CPSF6: variants seen among roughly 807,000 people sequenced by gnomAD.
CPSF6 encodes the protein cleavage and polyadenylation specificity factor subunit 6.
In CPSF6, 10 loss-of-function variants were observed where a neutral mutation model predicts 56.7. The observed-to-expected ratio is 0.18, with a 90% confidence interval of 0.11 to 0.30. CPSF6 has a LOEUF of 0.30. Among genes scored for constraint, CPSF6 ranks in the 10% least tolerant of loss-of-function variants. CPSF6 has a pLI of 1.00. For missense variants in CPSF6, 419 were observed against 722.9 expected, an observed-to-expected ratio of 0.58 and a Z score of 4.82; for synonymous variants, 248 against 244.8, an observed-to-expected ratio of 1.01 and a Z score of -0.12.
intron 2 of CPSF6, among the ~76,000 whole-genome samples, chr12:69,252,485 A>G (rs1052154388): frequency 1.3e-5 from 2 of 152,154 alleles, no homozygotes; most frequent in African/African-American, 4.8e-5. Context: ...CTAAGTAAGT[A>G]TTTGGATCTT....
chr12:69,259,914 C>A, intron 7 of CPSF6, 130 bp from the exon 8 acceptor site: 1 of 885,290 alleles, frequency 1.1e-6, no homozygotes, highest in South Asian at 1.6e-5. Context: ...TGAAAGAAGA[C>A]ATTGTCTTGC....
intron 9 of CPSF6, among the ~76,000 whole-genome samples, chr12:69,264,850 T>C (rs1417945123): frequency 1.3e-5 from 2 of 152,160 alleles, no homozygotes; most frequent in African/African-American, 4.8e-5. Context: ...TCTGTTGACC[T>C]TTTTAGAAGT....
rs1410769786 is a variant in CPSF6, at chr12:69,271,121, GC to G, written c.*1615del. The G allele has an allele frequency of 2.0e-5, 3 of 152,062 alleles. No homozygotes were observed. The highest frequency in any genetic ancestry group is 4.4e-5 in the Non-Finnish European group (3 of 67,654). 9.4% of individuals were successfully genotyped at this position (152,062 alleles called of 1,614,324 possible). A position where few individuals can be genotyped will look rare whatever the true frequency, so the allele number is the denominator to read the frequency against. ...GCTGTTTTGAATTACCCATATCACT[GC>G]CAGTTTTATTTTAAAATATTTTGTG... On this transcript the variant is annotated 3_prime_UTR_variant, in exon 10 of 10. Transcript: ENST00000435070.
intron 1 of CPSF6, among the ~76,000 whole-genome samples, chr12:69,241,209 A>T (rs912853710): frequency 1.3e-5 from 2 of 152,244 alleles, no homozygotes; most frequent in African/African-American, 4.8e-5. Context: ...AATACATTGT[A>T]ATCAAAGGTT....
intron 9 of CPSF6, among the ~76,000 whole-genome samples, chr12:69,267,271 AAC>A (rs1315253145): frequency 1.3e-5 from 2 of 152,070 alleles, no homozygotes; most frequent in African/African-American, 2.4e-5. Flanking sequence ...TTCTAACAGA[AAC>A]AGTTATAATT....
intron 3 of CPSF6, among the ~76,000 whole-genome samples, chr12:69,256,440 A>G (rs975540985): frequency 6.6e-6 from 1 of 152,106 alleles, no homozygotes; most frequent in Non-Finnish European, 1.5e-5. Context: ...AAAATTATTT[A>G]TTTTTAGAGA....
Position 69,253,254 on chromosome 12 carries a change from A to C in CPSF6, c.374+100A>C, listed in dbSNP as rs1035823460. The C allele has an allele frequency of 2.0e-5, 12 of 593,766 alleles. No individual in the cohort carries two copies. In the Admixed American group the frequency reaches 2.4e-4, roughly 12 times the overall value. The allele number at this position is 593,766 out of a possible 1,614,324, so 36.8% of individuals were successfully genotyped here. A position where few individuals can be genotyped will look rare whatever the true frequency, so the allele number is the denominator to read the frequency against. ...TAATGTTAATTACACATGTATACAC[A>C]TGTATACAAACAACACATGATTGTT... On this transcript the variant is annotated intron_variant, in intron 3 of 9. Transcript: ENST00000435070.
intron 1 of CPSF6, among the ~76,000 whole-genome samples, chr12:69,250,575 G>A (rs1348154221): frequency 3.0e-5 from 4 of 132,824 alleles, no homozygotes; most frequent in Non-Finnish European, 4.7e-5. Flanking sequence ...GCAATGTAGC[G>A]AGACCTGGTC....
chr12:69,247,003 AT>A (rs1225924542), intron 1 of CPSF6, among the ~76,000 whole-genome samples: 2 of 152,208 alleles, frequency 1.3e-5, no homozygotes, highest in Non-Finnish European at 2.9e-5. Context: ...CATCAAAAAA[AT>A]ATCAGGCCTG....
chr12:69,262,681 T>C, intron 9 of CPSF6, 119 bp downstream of exon 9: 2 of 1,187,044 alleles, frequency 1.7e-6, no homozygotes, highest in Admixed American at 6.9e-5. Flanking sequence ...CTTGTGAATT[T>C]AATCTTCTGG....
Position 69,262,375 on chromosome 12 carries a change from G to A in CPSF6, c.1472G>A (p.Arg491His), listed in dbSNP as rs1454644338. The change falls in exon 9 of 10, where the codon CGT becomes CAT. Residue 491 changes from arginine to histidine, a missense_variant and splice_region_variant. By Grantham distance (29) the Arg-to-His change is conservative. Transcript: ENST00000435070. ...ESKSYGSGSRRERSRERDHSR... is the reference protein window; with the variant it reads ...ESKSYGSGSRHERSRERDHSR... ...AATCCAGTAATTTCTTTTAGAAGACGTGAACGATCAAGAGAGAGGGACCAT... is the reference window on the plus strand; with the variant it reads ...AATCCAGTAATTTCTTTTAGAAGACATGAACGATCAAGAGAGAGGGACCAT... 3.2e-6 allele frequency: 5 copies of A among 1,579,726 alleles called. No homozygotes were observed. Among genetic ancestry groups the A allele is most frequent in the Admixed American group, 1.7e-5 (1 of 57,324 alleles).
At position 69,270,042 on chromosome 12, in the gene CPSF6, G is replaced by A. The variant is rs1426594271; in HGVS notation, c.*534G>A. The A allele has an allele frequency of 6.6e-6, 1 of 152,226 alleles. No individual in the cohort carries two copies. The highest frequency in any genetic ancestry group is 1.5e-5 in the Non-Finnish European group (1 of 67,750). 9.4% of individuals were successfully genotyped at this position (152,226 alleles called of 1,614,324 possible). On this transcript the variant is annotated 3_prime_UTR_variant, in exon 10 of 10. Transcript: ENST00000435070. ...ATGTTACTATGACAACATTTTTACT[G>A]TCCTTTAAAGCATTGCAATAGCGTT...
At chr12:69,248,520 G>T (rs1039806732) in intron 1 of CPSF6, among the ~76,000 whole-genome samples, 1 of 152,154 alleles carries the variant, frequency 6.6e-6, no homozygotes, top group Non-Finnish European at 1.5e-5. Context: ...CAGCCACACC[G>T]CCTGAAGCTT....
chr12:69,256,688 A>C lies in CPSF6; in HGVS notation c.375-9A>C, dbSNP rs200165673. 1.5e-4 allele frequency: 245 copies of C among 1,604,908 alleles called. 2 individuals carry two copies. Among genetic ancestry groups the C allele is most frequent in the Non-Finnish European group, 2.0e-4 (232 of 1,177,022 alleles). On this transcript the variant is annotated splice_polypyrimidine_tract_variant and intron_variant, in intron 3 of 9. Transcript: ENST00000435070. ...TACTTTGTATCCTCACCCCTTAAAC[A>C]CTTTTTAGGTTTGCCCTTGTTGGTG... is the stretch of plus-strand genomic sequence containing the variant.
At chr12:69,260,373 C>G (rs768782873) in intron 8 of CPSF6, among the ~76,000 whole-genome samples, 176 bp downstream of exon 8, 3 of 150,912 alleles carry the variant, frequency 2.0e-5, no homozygotes, top group Admixed American at 1.3e-4. Context: ...TTTAAAGGCT[C>G]CTACTCAGTC....
At chr12:69,253,957 A>G (rs1311257927) in intron 3 of CPSF6, among the ~76,000 whole-genome samples, 1 of 152,152 alleles carries the variant, frequency 6.6e-6, no homozygotes. Context: ...AATGATAAAG[A>G]ATTTTCTTAT....
chr12:69,240,856 C>T (rs2077194129), intron 1 of CPSF6, among the ~76,000 whole-genome samples: 1 of 152,172 alleles, frequency 6.6e-6, no homozygotes, highest in Non-Finnish European at 1.5e-5. Flanking sequence ...AGGTTTGAAC[C>T]TGCTGTTCGT....
intron 4 of CPSF6, among the ~76,000 whole-genome samples, chr12:69,257,142 T>G (rs1420973439): frequency 1.3e-5 from 2 of 152,234 alleles, no homozygotes; most frequent in Non-Finnish European, 2.9e-5. Context: ...GAAACTACAT[T>G]CTAATTCTTA....
At chr12:69,253,263 A>C (rs1872338593) in intron 3 of CPSF6, 109 bp downstream of exon 3, 3 of 553,782 alleles carry the variant, frequency 5.4e-6, no homozygotes, top group Non-Finnish European at 9.6e-6. Flanking sequence ...CATGTATACA[A>C]ACAACACATG....
Sources: allele counts gnomAD v4.1 joint callset (sites outside exome capture counted in the v4.1 genomes callset), GRCh38; gene constraint gnomAD v4.1.1; transcripts MANE v1.5; gene names NCBI Gene and HGNC (gene_info 2026-07-23, HGNC 2026-07-21).